Variants in LYPD6B observed in about 807,000 individuals in gnomAD.
LYPD6B encodes LY6/PLAUR domain containing 6B.
A neutral mutation model predicts 22.8 loss-of-function variants in LYPD6B; 17 were observed. That is an observed-to-expected ratio of 0.75 (90% CI 0.51 to 1.12). LYPD6B has a LOEUF of 1.12. Ranked by LOEUF, LYPD6B falls within the 50% of genes most tolerant of loss-of-function variation. LYPD6B has a pLI of 0.00. For synonymous variants in LYPD6B, 106 were observed against 91.6 expected, an observed-to-expected ratio of 1.16 and a Z score of -0.90; for missense variants, 221 against 258.3, an observed-to-expected ratio of 0.86 and a Z score of 0.99.
intron 2 of LYPD6B, among the ~76,000 whole-genome samples, chr2:149,140,491 C>A (rs1669453602): frequency 6.6e-6 from 1 of 152,154 alleles, no homozygotes; most frequent in South Asian, 2.1e-4. Context: ...TTGTAGGAAT[C>A]AGGGGTGCCC....
At chr2:149,046,691 A>G (rs928044497) in intron 1 of LYPD6B, among the ~76,000 whole-genome samples, 1 of 152,102 alleles carries the variant, frequency 6.6e-6, no homozygotes, top group Non-Finnish European at 1.5e-5. Context: ...TGATTGCTCT[A>G]GAGTTAATAA....
chr2:149,050,510 A>G (rs760207185), intron 1 of LYPD6B, among the ~76,000 whole-genome samples: 1 of 152,164 alleles, frequency 6.6e-6, no homozygotes, highest in Non-Finnish European at 1.5e-5. Context: ...AATGAAGTAC[A>G]TTACCGAAAA....
At chr2:149,106,223 A>T (rs1158879937) in intron 1 of LYPD6B, among the ~76,000 whole-genome samples, 3 of 152,104 alleles carry the variant, frequency 2.0e-5, no homozygotes, top group Non-Finnish European at 2.9e-5. Context: ...ATCTATGTTC[A>T]TGAGGAATAT....
At chr2:149,049,519 T>C (rs1477448794) in intron 1 of LYPD6B, among the ~76,000 whole-genome samples, 1 of 152,182 alleles carries the variant, frequency 6.6e-6, no homozygotes, top group African/African-American at 2.4e-5. Context: ...TGGACAAGCT[T>C]TGGAAGGTTT....
At chr2:149,177,725 A>G (rs1691413844) in intron 3 of LYPD6B, among the ~76,000 whole-genome samples, 1 of 152,152 alleles carries the variant, frequency 6.6e-6, no homozygotes, top group Non-Finnish European at 1.5e-5. Flanking sequence ...GGCGATGTGC[A>G]GAGACTGTTT....
Position 149,075,672 on chromosome 2 carries a change from GGGTTTGACTC to G in LYPD6B, c.-67+36872_-67+36881del, listed in dbSNP as rs371380363. Among the ~76,000 whole-genome samples the G allele has an allele frequency of 2.3e-3, 356 of 152,248 alleles. 6 individuals are homozygous for G. The highest frequency in any genetic ancestry group is 8.2e-3 in the African/African-American group (339 of 41,546). ...AATGTGCATAGTTTGACTATGACCTGGGTTTGACTCCAGGTTTGTGGAAAATCTTAACAAA... is the reference window on the plus strand; with the variant it reads ...AATGTGCATAGTTTGACTATGACCTGCAGGTTTGTGGAAAATCTTAACAAA... On this transcript the variant is annotated intron_variant, in intron 1 of 6. Coordinates refer to ENST00000409642, the MANE Select transcript of LYPD6B (RefSeq NM_177964.5).
intron 3 of LYPD6B, among the ~76,000 whole-genome samples, chr2:149,190,895 G>A (rs1692444093): frequency 6.6e-6 from 1 of 152,022 alleles, no homozygotes; most frequent in East Asian, 1.9e-4. Flanking sequence ...TACAGAAGTT[G>A]TCTAATATAG....
chr2:149,148,997 C>T (rs748631682), intron 2 of LYPD6B, among the ~76,000 whole-genome samples: 2 of 151,974 alleles, frequency 1.3e-5, no homozygotes, highest in Non-Finnish European at 2.9e-5. Context: ...AGGGAGAGTA[C>T]CCAGGGAACT....
At chr2:149,151,419 C>G (rs1689367533) in intron 2 of LYPD6B, among the ~76,000 whole-genome samples, 1 of 152,154 alleles carries the variant, frequency 6.6e-6, no homozygotes. Context: ...TTGCCTGATG[C>G]TTTCAAGTCC....
At chr2:149,055,149 T>C (rs1187641094) in intron 1 of LYPD6B, among the ~76,000 whole-genome samples, 1 of 152,238 alleles carries the variant, frequency 6.6e-6, no homozygotes, top group African/African-American at 2.4e-5. Flanking sequence ...GCCAAGAGTG[T>C]TCTTTCTGCC....
chr2:149,179,492 C>T (rs1691557807), intron 3 of LYPD6B, among the ~76,000 whole-genome samples: 1 of 152,178 alleles, frequency 6.6e-6, no homozygotes, highest in Admixed American at 6.5e-5. Flanking sequence ...CTCTATAGCT[C>T]AGATCAGTAT....
At chr2:149,198,418 T>C (rs530913503) in intron 3 of LYPD6B, among the ~76,000 whole-genome samples, 77 of 152,298 alleles carry the variant, frequency 5.1e-4, no homozygotes, top group African/African-American at 1.8e-3. Context: ...CAGAAAGGTA[T>C]AAAATCCTGT....
chr2:149,091,967 A>G (rs1309180931), intron 1 of LYPD6B, among the ~76,000 whole-genome samples: 1 of 144,004 alleles, frequency 6.9e-6, no homozygotes, highest in Non-Finnish European at 1.5e-5. Context: ...GCTGCTGGTG[A>G]TAGTTCTTGT....
At chr2:149,092,251 G>C (rs1398192518) in intron 1 of LYPD6B, among the ~76,000 whole-genome samples, 1 of 152,054 alleles carries the variant, frequency 6.6e-6, no homozygotes, top group South Asian at 2.1e-4. Flanking sequence ...TAGGGGAGAC[G>C]ATGGAAGAGC....
intron 3 of LYPD6B, among the ~76,000 whole-genome samples, chr2:149,167,059 T>C (rs116555772): frequency 6.6e-6 from 1 of 152,224 alleles, no homozygotes. Flanking sequence ...TAAGTGTTTT[T>C]TTTTTTTCTC....
intron 1 of LYPD6B, among the ~76,000 whole-genome samples, chr2:149,045,522 A>G (rs1683268727): frequency 6.6e-6 from 1 of 152,038 alleles, no homozygotes; most frequent in Non-Finnish European, 1.5e-5. Context: ...GTTTTAATAG[A>G]AGTATTTAAT....
intron 3 of LYPD6B, among the ~76,000 whole-genome samples, chr2:149,195,870 C>A (rs762510159): frequency 1.3e-5 from 2 of 152,070 alleles, no homozygotes; most frequent in Non-Finnish European, 2.9e-5. Flanking sequence ...CTCTATTTTA[C>A]TGATAGGGAA....
At chr2:149,181,380 G>A (rs74984959) in intron 3 of LYPD6B, among the ~76,000 whole-genome samples, 282 of 152,260 alleles carry the variant, frequency 1.9e-3, no homozygotes, top group African/African-American at 6.5e-3. Flanking sequence ...AGCCAGAGTC[G>A]TTCAGCTTTG....
chr2:149,190,555 A>G (rs575371040), intron 3 of LYPD6B, among the ~76,000 whole-genome samples: 1 of 152,178 alleles, frequency 6.6e-6, no homozygotes, highest in Non-Finnish European at 1.5e-5. Context: ...TGGTCTTCTC[A>G]AAAGGAGAGT....
Sources: allele counts gnomAD v4.1 joint callset (sites outside exome capture counted in the v4.1 genomes callset), GRCh38; gene constraint gnomAD v4.1.1; transcripts MANE v1.5; gene names NCBI Gene and HGNC (gene_info 2026-07-23, HGNC 2026-07-21).